MMP9: variants seen among roughly 807,000 people sequenced by gnomAD.
The protein encoded by MMP9 is matrix metalloproteinase-9.
MMP9 carries 73 observed loss-of-function variants against 76.4 expected under a neutral mutation model. The observed-to-expected ratio is 0.96, with a 90% CI of 0.79 to 1.16. MMP9 has a LOEUF of 1.16. Among genes scored for constraint, MMP9 ranks in the 50% most tolerant of loss-of-function variants. The pLI is 0.00. For missense variants in MMP9, 943 were observed against 973.0 expected, an observed-to-expected ratio of 0.97 and a Z score of 0.41; for synonymous variants, 412 against 408.4, an observed-to-expected ratio of 1.01 and a Z score of -0.11.
intron 12 of MMP9, among the ~76,000 whole-genome samples, chr20:46,015,036 A>G (rs542896194): frequency 6.6e-6 from 1 of 152,234 alleles, no homozygotes; most frequent in South Asian, 2.1e-4. Context: ...CCCAAACCAT[A>G]CTGGCTGTCC....
chr20:46,011,645 TAC>T lies in MMP9; in HGVS notation c.896_897del (p.Tyr299PhefsTer35). 1 of 1,613,920 alleles carries T rather than the reference TAC, an allele frequency of 6.2e-7. No individual in the cohort carries two copies. ...TCCATTCATCTTCCAAGGCCAATCC[TAC>T]TCCGCCTGCACCACGGACGGTCGCT... ...QFPFIFQGQS[Y>X]SACTTDGRSD... On this transcript the variant is annotated frameshift_variant, in exon 6 of 13. Coordinates refer to ENST00000372330, the MANE Select transcript of MMP9 (RefSeq NM_004994.3). LOFTEE classifies it high-confidence loss of function.
In MMP9 at chr20:46,014,133, T is replaced by C; in HGVS notation, c.1760T>C (p.Val587Ala). 1 of 1,535,604 alleles carries C rather than the reference T, an allele frequency of 6.5e-7. No individual in the cohort carries two copies. The highest frequency in any genetic ancestry group is 8.7e-7 in the Non-Finnish European group (1 of 1,146,608). The change falls in exon 11 of 13, where the codon GTG (valine) becomes GCG (alanine). Residue 587 changes from valine (V) to alanine (A), a missense_variant. Physicochemically the swap from Val to Ala is moderately conservative, Grantham distance 64 (BLOSUM62 0). Transcript: ENST00000372330. ...CCCTCCTCCCCTGCAGGGCGCCAGG[T>C]GTGGGTGTACACAGGCGCGTCGGTG... The part of the protein sequence containing the change: ...KKLFFFSGRQ[V>A]WVYTGASVLG...
chr20:46,012,270 G>T lies in MMP9; in HGVS notation c.1131G>T (p.Ser377=), dbSNP rs756800294. The change falls in exon 7 of 13, where the codon TCG becomes TCT. Residue 377 remains serine, a synonymous_variant. Transcript: ENST00000372330. ...GDGRLWCATT[S]NFDSDKKWGF... is the part of the protein sequence containing the mutation. ...GGCGCCTCTGGTGCGCTACCACCTC[G>T]AACTTTGACAGCGACAAGAAGTGGG... 1 of 1,613,888 alleles carries T rather than the reference G, an allele frequency of 6.2e-7. No homozygotes were observed. Among genetic ancestry groups the T allele is most frequent in the East Asian group, 2.2e-5 (1 of 44,866 alleles).
rs1039833998 is a variant in MMP9, at chr20:46,014,403, G to A, written c.1934G>A (p.Arg645Gln). Residue 645 changes from arginine (R) to glutamine (Q), a missense_variant, in exon 12 of 13, where the codon CGG (arginine) becomes CAG (glutamine). Transcript: ENST00000372330. ...FDVKAQMVDPRSASEVDRMFP... is the reference protein window; with the variant it reads ...FDVKAQMVDPQSASEVDRMFP... The stretch of plus-strand genomic sequence containing the variant: ...GTGAAGGCGCAGATGGTGGATCCCC[G>A]GAGCGCCAGCGAGGTGGACCGGATG... The A allele has an allele frequency of 1.9e-6, 3 of 1,549,624 alleles. No individual in the cohort carries two copies. The highest frequency in any genetic ancestry group is 2.7e-5 in the African/African-American group (2 of 73,046).
In MMP9 at chr20:46,012,224, C is replaced by T. The variant is rs201492378; in HGVS notation, c.1085C>T (p.Thr362Ile). 6.2e-7 allele frequency: 1 copy of T among 1,614,144 alleles called. No individual in the cohort carries two copies. The highest frequency in any genetic ancestry group is 2.2e-5 in the East Asian group (1 of 44,876). ...TFLGKEYSTC[T>I]SEGRGDGRLW... Reference sequence around the variant, plus strand: ...CTGGGTAAGGAGTACTCGACCTGTACCAGCGAGGGCCGCGGAGATGGGCGC... The same window carrying T: ...CTGGGTAAGGAGTACTCGACCTGTATCAGCGAGGGCCGCGGAGATGGGCGC... The change falls in exon 7 of 13, where the codon ACC (threonine) becomes ATC (isoleucine). Residue 362 changes from threonine (T) to isoleucine (I), a missense_variant. Transcript: ENST00000372330.
chr20:46,010,641 T>C lies in MMP9; in HGVS notation c.520+10T>C. 1 of 1,611,008 alleles carries C rather than the reference T, an allele frequency of 6.2e-7. No homozygotes were observed. The highest frequency in any genetic ancestry group is 8.5e-7 in the Non-Finnish European group (1 of 1,178,452). ...CAGTTTGGTGTCGCGGGTGAGAACG[T>C]GAGGAGGGAAAATCCAAGAGACCTG... is the stretch of plus-strand genomic sequence containing the variant. On this transcript the variant is annotated intron_variant, in intron 3 of 12. Transcript: ENST00000372330.
chr20:46,013,279 G>C lies in MMP9; in HGVS notation c.1355G>C (p.Arg452Pro), dbSNP rs201191171. The change falls in exon 9 of 13, where the codon CGG (arginine) becomes CCG (proline). Residue 452 changes from arginine to proline, a missense_variant. By Grantham distance (103) the Arg-to-Pro change is moderately radical. Coordinates refer to ENST00000372330, the MANE Select transcript of MMP9 (RefSeq NM_004994.3). The surrounding 1 kb of genome is among the most constrained non-coding windows in gnomAD (Gnocchi z 4.5). ...GGTCCTCGCCCTGAACCTGAGCCAC[G>C]GCCTCCAACCACCACCACACCGCAG... ...LYGPRPEPEPRPPTTTTPQPT... is the reference protein window; with the variant it reads ...LYGPRPEPEPPPPTTTTPQPT... The C allele has an allele frequency of 6.2e-7, 1 of 1,613,928 alleles. No individual in the cohort carries two copies. The highest frequency in any genetic ancestry group is 8.5e-7 in the Non-Finnish European group (1 of 1,179,980).
chr20:46,010,553 T>G lies in MMP9; in HGVS notation c.442T>G (p.Trp148Gly). ...CGCCTTTGCCCGCGCCTTCGCACTG[T>G]GGAGCGCGGTGACGCCGCTCACCTT... ...DDAFARAFALWSAVTPLTFTR... is the reference protein window; with the variant it reads ...DDAFARAFALGSAVTPLTFTR... The change falls in exon 3 of 13, where the codon TGG becomes GGG. Residue 148 changes from tryptophan (W) to glycine (G), a missense_variant. Transcript: ENST00000372330. The G allele has an allele frequency of 6.2e-7, 1 of 1,614,198 alleles. No individual in the cohort carries two copies. The highest frequency in any genetic ancestry group is 8.5e-7 in the Non-Finnish European group (1 of 1,180,024).
chr20:46,011,160 G>A lies in MMP9; in HGVS notation c.667G>A (p.Gly223Arg). The change falls in exon 5 of 13, where the codon GGA (glycine) becomes AGA (arginine). Residue 223 changes from glycine (G) to arginine (R), a missense_variant. Transcript: ENST00000372330. ...GKGVVVPTRFGNADGAACHFP... is the reference protein window; with the variant it reads ...GKGVVVPTRFRNADGAACHFP... ...TCCTGCAGTGGTTCCAACTCGGTTT[G>A]GAAACGCAGATGGCGCGGCCTGCCA... 1 of 1,614,148 alleles carries A rather than the reference G, an allele frequency of 6.2e-7. No homozygotes were observed. Among genetic ancestry groups the A allele is most frequent in the African/African-American group, 1.3e-5 (1 of 75,070 alleles).
intron 8 of MMP9, 67 bp downstream of exon 8, chr20:46,012,649 T>TGTCCCACATAACCAATTATTG: frequency 1.3e-6 from 1 of 786,656 alleles, no homozygotes; most frequent in East Asian, 4.5e-5. Context: ...ACCAAAGAAT[T>TGTCCCACATAACCAATTATTG]GGGGGTTGGG....
intron 12 of MMP9, 143 bp from the exon 13 acceptor site, chr20:46,016,107 A>G (rs1264817146): frequency 1.2e-6 from 1 of 820,914 alleles, no homozygotes; most frequent in Admixed American, 1.9e-5. Flanking sequence ...AGCATCTCAC[A>G]GGTTGGGGGG....
At position 46,014,274 on chromosome 20, in the gene MMP9, G is replaced by A. The variant is rs753879807; in HGVS notation, c.1901G>A (p.Arg634Lys). The A allele has an allele frequency of 1.3e-5, 20 of 1,526,136 alleles. No individual in the cohort carries two copies. The highest frequency in any genetic ancestry group is 1.7e-5 in the Non-Finnish European group (19 of 1,140,110). 94.5% of individuals were successfully genotyped at this position (1,526,136 alleles called of 1,614,324 possible). The change falls in exon 11 of 13, where the codon AGG (arginine) becomes AAG (lysine). Residue 634 changes from arginine to lysine, a missense_variant and splice_region_variant. By Grantham distance (26) the Arg-to-Lys change is conservative. Coordinates refer to ENST00000372330, the MANE Select transcript of MMP9 (RefSeq NM_004994.3). ...CTGTTCAGCGGGCGGCGCCTCTGGA[G>A]GTGAGCGCCGCCGCGGCCGCCGGCA... ...MLLFSGRRLWRFDVKAQMVDP... is the reference protein window; with the variant it reads ...MLLFSGRRLWKFDVKAQMVDP...
chr20:46,011,077 T>A (rs1198427745), intron 4 of MMP9, 27 bp downstream of exon 4: 1 of 1,613,752 alleles, frequency 6.2e-7, no homozygotes, highest in Non-Finnish European at 8.5e-7. Flanking sequence ...TCCTGGCCCC[T>A]GATTCCCTTC....
Position 46,011,281 on chromosome 20 carries a change from A to T in MMP9, c.788A>T (p.Asp263Val). The change falls in exon 5 of 13, where the codon GAC becomes GTC. Residue 263 changes from aspartate (D) to valine (V), a missense_variant. Asp to Val is a radical substitution (Grantham distance 152, BLOSUM62 -3). Coordinates refer to ENST00000372330, the MANE Select transcript of MMP9 (RefSeq NM_004994.3). ...TGGTGCAGTACCACGGCCAACTACG[A>T]CACCGACGACCGGTTTGGCTTCTGC... ...LPWCSTTANY[D>V]TDDRFGFCPS... The T allele has an allele frequency of 6.2e-7, 1 of 1,608,686 alleles. No individual in the cohort carries two copies. The highest frequency in any genetic ancestry group is 8.5e-7 in the Non-Finnish European group (1 of 1,178,758).
chr20:46,014,328 C>T (rs747403518), intron 11 of MMP9, 43 bp from the exon 12 acceptor site: 4 of 1,541,228 alleles, frequency 2.6e-6, no homozygotes, highest in Non-Finnish European at 3.5e-6. Context: ...TCGGTCCGTC[C>T]GCTAGCCGGC....
At chr20:46,010,335 A>AAAAAAAAAAAAAAAAAAC in intron 2 of MMP9, 148 bp from the exon 3 acceptor site, 1 of 879,332 alleles carries the variant, frequency 1.1e-6, no homozygotes, top group South Asian at 1.6e-5. Context: ...AAAAAAAAAA[A>AAAAAAAAAAAAAAAAAAC]AAAAAACAGT....
At chr20:46,011,527 G>A (rs1166110535) in intron 5 of MMP9, 47 bp from the exon 6 acceptor site, 2 of 1,609,750 alleles carry the variant, frequency 1.2e-6, no homozygotes, top group Admixed American at 1.7e-5. Context: ...GGGTTATAAT[G>A]TGCTGTCTCC....
At chr20:46,010,329 A>AAAAAAAAAAAAAAAAC (rs1555856968) in intron 2 of MMP9, among the ~76,000 whole-genome samples, 154 bp from the exon 3 acceptor site, 1 of 143,742 alleles carries the variant, frequency 7.0e-6, no homozygotes, top group African/African-American at 2.6e-5. Context: ...GACAAAAAAA[A>AAAAAAAAAAAAAAAAC]AAAAAAAAAA....
chr20:46,012,666 G>C, intron 8 of MMP9, 84 bp downstream of exon 8: 1 of 1,540,668 alleles, frequency 6.5e-7, no homozygotes, highest in Non-Finnish European at 8.8e-7. Flanking sequence ...TGGGGATCGG[G>C]GGAGGAACGG....
Sources: gnomAD v4.1 joint callset for allele counts (sites outside exome capture counted in the v4.1 genomes callset) on GRCh38, gnomAD v4.1.1 for gene constraint, Gnocchi (gnomAD v3.1) non-coding constraint, MANE v1.5 for transcripts, NCBI Gene and HGNC (gene_info 2026-07-23, HGNC 2026-07-21) for gene names.